SPHKAP: variants seen among roughly 807,000 people sequenced by gnomAD.
The protein encoded by SPHKAP is A-kinase anchor protein SPHKAP.
Under a neutral mutation model 137.5 loss-of-function variants are expected in SPHKAP, and 67 were observed. The observed-to-expected ratio is 0.49, with a 90% CI of 0.40 to 0.60. The LOEUF is 0.60. Ranked by LOEUF, SPHKAP falls within the 20% of genes least tolerant of loss-of-function variation. SPHKAP has a pLI of 0.00. For missense variants in SPHKAP, 2,097 were observed against 2,069.3 expected (o/e 1.01, Z -0.26); for synonymous variants, 813 against 785.3 (o/e 1.04, Z -0.59).
intron 3 of SPHKAP, among the ~76,000 whole-genome samples, chr2:228,104,207 T>G (rs1461609253): frequency 1.4e-5 from 2 of 146,290 alleles, no homozygotes; most frequent in African/African-American, 5.0e-5. Flanking sequence ...TATTATATAT[T>G]ATATAATGAT....
chr2:228,074,331 A>G (rs1444581162), intron 3 of SPHKAP, among the ~76,000 whole-genome samples: 1 of 152,210 alleles, frequency 6.6e-6, no homozygotes, highest in Non-Finnish European at 1.5e-5. Context: ...TAATACAGAT[A>G]TACCTGAGAC....
At chr2:228,132,524 A>G in intron 1 of SPHKAP, 1 of 885,470 alleles carries the variant, frequency 1.1e-6, no homozygotes, top group Non-Finnish European at 1.4e-6. Context: ...TCAGAATAGT[A>G]CCATTAAAAA....
At chr2:228,025,776 A>G (rs1695010990) in intron 4 of SPHKAP, 5 of 796,392 alleles carry the variant, frequency 6.3e-6, no homozygotes, top group Non-Finnish European at 7.6e-6. Context: ...CAAAGTAAAC[A>G]TAAAGTAAAC....
At chr2:228,174,513 A>C (rs1260899426) in intron 1 of SPHKAP, among the ~76,000 whole-genome samples, 2 of 152,220 alleles carry the variant, frequency 1.3e-5, no homozygotes, top group Non-Finnish European at 2.9e-5. Flanking sequence ...TCGGTCACTC[A>C]CTACATGAGT....
intron 7 of SPHKAP, among the ~76,000 whole-genome samples, chr2:227,997,609 T>C (rs566460575): frequency 1.3e-5 from 2 of 152,312 alleles, no homozygotes. Context: ...ACACGCTGTT[T>C]TGATCTTTGC....
At chr2:228,164,026 C>T (rs1188192923) in intron 1 of SPHKAP, among the ~76,000 whole-genome samples, 1 of 152,098 alleles carries the variant, frequency 6.6e-6, no homozygotes. Flanking sequence ...AAGACCCACT[C>T]CCAGTGTGGG....
intron 7 of SPHKAP, 135 bp downstream of exon 7, chr2:228,016,271 T>C: frequency 2.3e-6 from 2 of 870,816 alleles, no homozygotes; most frequent in Non-Finnish European, 3.1e-6. Context: ...ATTAACTCAT[T>C]TTTTTTTTTT....
At chr2:228,160,373 GA>G (rs1700239106) in intron 1 of SPHKAP, among the ~76,000 whole-genome samples, 1 of 152,174 alleles carries the variant, frequency 6.6e-6, no homozygotes, top group Middle Eastern at 3.2e-3. Flanking sequence ...ATTTATACAG[GA>G]AAGAGGTTTA....
At chr2:228,142,933 A>T (rs1205754056) in intron 1 of SPHKAP, among the ~76,000 whole-genome samples, 1 of 152,194 alleles carries the variant, frequency 6.6e-6, no homozygotes, top group African/African-American at 2.4e-5. Context: ...CCACCTGCCC[A>T]TACTTTCCAC....
At chr2:228,021,322 G>A (rs1694833854) in intron 6 of SPHKAP, among the ~76,000 whole-genome samples, 1 of 152,212 alleles carries the variant, frequency 6.6e-6, no homozygotes, top group Non-Finnish European at 1.5e-5. Context: ...ATGTGGCAGT[G>A]CTGGGATTCA....
At chr2:228,030,513 C>CAAAAAAAAAAAAAAAAAAACAAAAA (rs1695255023) in intron 3 of SPHKAP, among the ~76,000 whole-genome samples, 4 of 48,772 alleles carry the variant, frequency 8.2e-5, no homozygotes, top group African/African-American at 1.5e-4. Context: ...GATACCATCT[C>CAAAAAAAAAAAAAAAAAAACAAAAA]AAAAAAAAAA....
intron 1 of SPHKAP, among the ~76,000 whole-genome samples, chr2:228,173,603 T>C (rs189023829): frequency 6.6e-5 from 10 of 152,144 alleles, no homozygotes; most frequent in African/African-American, 2.4e-4. Flanking sequence ...AGGCAAGCAA[T>C]GTAAGCAGCC....
At chr2:228,070,707 T>C (rs1289863052) in intron 3 of SPHKAP, among the ~76,000 whole-genome samples, 1 of 152,210 alleles carries the variant, frequency 6.6e-6, no homozygotes, top group Admixed American at 6.5e-5. Context: ...CAATGGCTTT[T>C]ACAGCTTTTT....
At chr2:228,045,466 G>A (rs1696005618) in intron 3 of SPHKAP, among the ~76,000 whole-genome samples, 1 of 149,546 alleles carries the variant, frequency 6.7e-6, no homozygotes, top group Non-Finnish European at 1.5e-5. Flanking sequence ...GATGAAGCTG[G>A]AAACCATCAT....
intron 6 of SPHKAP, among the ~76,000 whole-genome samples, chr2:228,021,089 C>A (rs1694826104): frequency 1.3e-5 from 2 of 152,182 alleles, no homozygotes; most frequent in Admixed American, 6.5e-5. Context: ...TGGGGTACCC[C>A]TTCCTCTGTG....
In SPHKAP at chr2:228,053,589, C is replaced by T. The variant is rs147749729; in HGVS notation, c.247-26046G>A. 2.9e-3 allele frequency among the ~76,000 whole-genome samples: 435 copies of T among 152,252 alleles called. 2 individuals carry two copies. The highest frequency in any genetic ancestry group is 0.01 in the African/African-American group (416 of 41,548). On this transcript the variant is annotated intron_variant, in intron 3 of 11. Coordinates refer to ENST00000392056, the MANE Select transcript of SPHKAP (RefSeq NM_001142644.2). ...CAGGCCTATAATTTCCCCTACCTTT[C>T]TCTGGATGCTGGCCAGCATTACTAT... is the stretch of plus-strand genomic sequence containing the variant.
intron 1 of SPHKAP, among the ~76,000 whole-genome samples, chr2:228,174,606 AT>A (rs1466816814): frequency 6.6e-6 from 1 of 152,152 alleles, no homozygotes; most frequent in African/African-American, 2.4e-5. Context: ...TCCAGTTTCC[AT>A]TTGGAGATAC....
chr2:228,021,513 C>A (rs1002237058), intron 6 of SPHKAP, among the ~76,000 whole-genome samples, 198 bp downstream of exon 6: 2 of 152,194 alleles, frequency 1.3e-5, no homozygotes, highest in African/African-American at 4.8e-5. Context: ...ATCCATCCAA[C>A]CATTAAGTCC....
At chr2:228,103,455 G>A (rs35932980) in intron 3 of SPHKAP, among the ~76,000 whole-genome samples, 34,948 of 152,076 alleles carry the variant, frequency 0.23, 4,400 homozygotes, top group Admixed American at 0.35. Flanking sequence ...GGATGGACAC[G>A]AAAATTCTTG....
Sources: gnomAD v4.1 joint callset for allele counts (sites outside exome capture counted in the v4.1 genomes callset) on GRCh38, gnomAD v4.1.1 for gene constraint, MANE v1.5 for transcripts, NCBI Gene and HGNC (gene_info 2026-07-23, HGNC 2026-07-21) for gene names.